Variants in B3GALT1 observed in about 807,000 individuals in gnomAD.
B3GALT1 encodes the protein beta-1,3-galactosyltransferase 1.
B3GALT1 carries 10 observed loss-of-function variants against 23.2 expected under a neutral mutation model. That is an observed-to-expected ratio of 0.43 (90% CI 0.27 to 0.73). The LOEUF is 0.73. Ranked by LOEUF, B3GALT1 falls within the 30% of genes least tolerant of loss-of-function variation. B3GALT1 has a pLI of 0.21. For missense variants in B3GALT1, 299 were observed against 405.4 expected, an observed-to-expected ratio of 0.74 and a Z score of 2.25; for synonymous variants, 156 against 141.5, an observed-to-expected ratio of 1.10 and a Z score of -0.73.
chr2:167,541,958 T>C (rs1683539805), intron 2 of B3GALT1, among the ~76,000 whole-genome samples: 1 of 152,114 alleles, frequency 6.6e-6, no homozygotes, highest in South Asian at 2.1e-4. Flanking sequence ...GAGCTACTTG[T>C]GCTCCATGTT....
intron 3 of B3GALT1, among the ~76,000 whole-genome samples, chr2:167,719,028 C>A (rs186121600): frequency 2.6e-4 from 40 of 152,212 alleles, no homozygotes; most frequent in African/African-American, 9.1e-4. Flanking sequence ...ATGTTTGATT[C>A]ATGCAACATC....
rs538885073 is a variant in B3GALT1, at chr2:167,748,072, G to A, written c.-351-70600G>A. Among the ~76,000 whole-genome samples, 6 of 152,168 alleles carry A rather than the reference G, an allele frequency of 3.9e-5. No individual in the cohort carries two copies. In the South Asian group the frequency reaches 8.3e-4, roughly 21 times the overall value. On this transcript the variant is annotated intron_variant, in intron 3 of 4. Transcript: ENST00000392690. Reference sequence around the variant, plus strand: ...TACAAAGAATAAGAAATACAAAAAAGCTGTTTCCAAGTAGCTACTACAAAG... The same window carrying A: ...TACAAAGAATAAGAAATACAAAAAAACTGTTTCCAAGTAGCTACTACAAAG...
intron 2 of B3GALT1, among the ~76,000 whole-genome samples, chr2:167,538,728 T>C (rs138361510): frequency 2.0e-3 from 309 of 152,322 alleles, no homozygotes; most frequent in African/African-American, 7.0e-3. Context: ...ATAACTCAAA[T>C]CGTTTAGAAC....
At chr2:167,396,083 G>T (rs1479801220) in intron 1 of B3GALT1, among the ~76,000 whole-genome samples, 1 of 152,074 alleles carries the variant, frequency 6.6e-6, no homozygotes, top group Non-Finnish European at 1.5e-5. Flanking sequence ...TCAATTCTTA[G>T]TTTCCCTGCT....
intron 1 of B3GALT1, among the ~76,000 whole-genome samples, chr2:167,434,722 T>A (rs749464900): frequency 3.8e-5 from 5 of 131,498 alleles, no homozygotes; most frequent in Non-Finnish European, 8.3e-5. Context: ...CCCCCCCCCT[T>A]ATTTTTTCCC....
At position 167,482,931 on chromosome 2, in the gene B3GALT1, T is replaced by A. The variant is rs973606506; in HGVS notation, c.-510-7246T>A. Reference sequence around the variant, plus strand: ...GTGCTGTATTATGATAATTCTAATATTTTTTGGAGCCTCTGCACAGTATCG... The same window carrying A: ...GTGCTGTATTATGATAATTCTAATAATTTTTGGAGCCTCTGCACAGTATCG... On this transcript the variant is annotated intron_variant, in intron 1 of 4. Coordinates refer to ENST00000392690, the MANE Select transcript of B3GALT1 (RefSeq NM_020981.4). 2.8e-4 allele frequency among the ~76,000 whole-genome samples: 42 copies of A among 152,202 alleles called. 1 individual carries two copies. The highest frequency in any genetic ancestry group is 1.0e-3 in the African/African-American group (42 of 41,452).
chr2:167,671,194 G>A (rs114358773), intron 3 of B3GALT1, among the ~76,000 whole-genome samples: 2,507 of 152,060 alleles, frequency 0.016, 64 homozygotes, highest in African/African-American at 0.057. Flanking sequence ...GAGAGAAATA[G>A]ACAGCAATAC....
intron 2 of B3GALT1, among the ~76,000 whole-genome samples, chr2:167,635,833 A>G (rs370275715): frequency 2.6e-5 from 4 of 152,206 alleles, no homozygotes; most frequent in South Asian, 4.1e-4. Context: ...TCACAGAATT[A>G]GAAAAAACTA....
chr2:167,544,339 G>A (rs1683589548), intron 2 of B3GALT1, among the ~76,000 whole-genome samples: 1 of 152,168 alleles, frequency 6.6e-6, no homozygotes, highest in African/African-American at 2.4e-5. Context: ...CTGTTGCCCA[G>A]GCCGGAGTGC....
intron 3 of B3GALT1, among the ~76,000 whole-genome samples, chr2:167,747,966 C>T (rs959600944): frequency 7.9e-5 from 12 of 152,266 alleles, no homozygotes; most frequent in African/African-American, 2.9e-4. Flanking sequence ...TCTGCATATG[C>T]TCCCTTTTCC....
chr2:167,716,026 GC>G, intron 3 of B3GALT1: 3 of 1,609,476 alleles, frequency 1.9e-6, no homozygotes, highest in South Asian at 1.1e-5. Flanking sequence ...TCCAGGACCA[GC>G]CCCAAGTAGG....
At chr2:167,822,505 C>CTGTT (rs1473223287) in intron 4 of B3GALT1, among the ~76,000 whole-genome samples, 1 of 152,104 alleles carries the variant, frequency 6.6e-6, no homozygotes, top group African/African-American at 2.4e-5. Context: ...GGGTGGGATT[C>CTGTT]TGTTTGTTAT....
chr2:167,578,349 A>C (rs1684420956), intron 2 of B3GALT1, among the ~76,000 whole-genome samples: 1 of 151,964 alleles, frequency 6.6e-6, no homozygotes, highest in African/African-American at 2.4e-5. Flanking sequence ...ATCCCATGGC[A>C]GTAGGTTGTG....
At chr2:167,461,912 A>T (rs1269539155) in intron 1 of B3GALT1, among the ~76,000 whole-genome samples, 3 of 152,192 alleles carry the variant, frequency 2.0e-5, no homozygotes, top group African/African-American at 7.2e-5. Flanking sequence ...ATGTTTTACC[A>T]TGTTGCAATA....
intron 4 of B3GALT1, among the ~76,000 whole-genome samples, chr2:167,847,817 A>G (rs1321923657): frequency 6.6e-6 from 1 of 152,160 alleles, no homozygotes; most frequent in Non-Finnish European, 1.5e-5. Flanking sequence ...TGGTTCTTTC[A>G]AAAGATAAAA....
intron 2 of B3GALT1, among the ~76,000 whole-genome samples, chr2:167,595,992 T>C (rs1684767833): frequency 6.6e-6 from 1 of 152,182 alleles, no homozygotes; most frequent in Non-Finnish European, 1.5e-5. Flanking sequence ...GGAGCCTTCC[T>C]AGAAGAGAGA....
Position 167,869,964 on chromosome 2 carries a change from G to C in B3GALT1, c.925G>C (p.Glu309Gln). 6.2e-7 allele frequency: 1 copy of C among 1,613,200 alleles called. No homozygotes were observed. The highest frequency in any genetic ancestry group is 1.1e-5 in the South Asian group (1 of 91,026). ...TATCACTGTGCATCAGATCTCTCCA[G>C]AAGAAATGCACAGAATCTGGAATGA... ...RVITVHQISP[E>Q]EMHRIWNDMS... Residue 309 changes from glutamate to glutamine, a missense_variant, in exon 5 of 5, where the codon GAA (glutamate) becomes CAA (glutamine). Coordinates refer to ENST00000392690, the MANE Select transcript of B3GALT1 (RefSeq NM_020981.4). This position sits in a 1 kb window ranked among gnomAD's most constrained non-coding sequence, Gnocchi z 6.4.
chr2:167,400,041 A>G (rs1049564400), intron 1 of B3GALT1, among the ~76,000 whole-genome samples: 4 of 152,062 alleles, frequency 2.6e-5, no homozygotes, highest in African/African-American at 9.7e-5. Flanking sequence ...AGTATTATGT[A>G]GTATTTACTT....
At chr2:167,646,648 C>T (rs1685752575) in intron 2 of B3GALT1, among the ~76,000 whole-genome samples, 1 of 152,146 alleles carries the variant, frequency 6.6e-6, no homozygotes, top group African/African-American at 2.4e-5. Context: ...TGGCACAGTT[C>T]TGAAACCATT....
Sources: allele counts gnomAD v4.1 joint callset (sites outside exome capture counted in the v4.1 genomes callset), GRCh38; gene constraint gnomAD v4.1.1; non-coding constraint Gnocchi (gnomAD v3.1); transcripts MANE v1.5; gene names NCBI Gene and HGNC (gene_info 2026-07-23, HGNC 2026-07-21).